Variants in RFC1 observed in about 807,000 individuals in gnomAD.
The protein encoded by RFC1 is replication factor C subunit 1.
In RFC1, 37 loss-of-function variants were observed where a neutral mutation model predicts 137.4. The observed-to-expected ratio is 0.27, with a 90% confidence interval of 0.21 to 0.35. The LOEUF is 0.35. RFC1 is among the 10% of genes least tolerant of loss of function. The pLI, the probability that RFC1 is intolerant of heterozygous loss-of-function variation, is 1.00. For missense variants in RFC1, 1,205 were observed against 1,358.5 expected (o/e 0.89, Z 1.78); for synonymous variants, 429 against 455.7 (o/e 0.94, Z 0.75).
chr4:39,362,831 C>T (rs1741824596), intron 1 of RFC1, among the ~76,000 whole-genome samples: 2 of 152,222 alleles, frequency 1.3e-5, no homozygotes, highest in African/African-American at 2.4e-5. Context: ...ACCAACCTAA[C>T]ACACTCAAAA....
intron 5 of RFC1, 78 bp from the exon 6 acceptor site, chr4:39,326,718 G>T: frequency 2.9e-6 from 3 of 1,041,274 alleles, no homozygotes; most frequent in Non-Finnish European, 4.4e-6. Flanking sequence ...GACTGTTGCT[G>T]ATTAAATACA....
intron 4 of RFC1, among the ~76,000 whole-genome samples, chr4:39,329,265 G>T (rs1384934652): frequency 1.3e-5 from 2 of 151,898 alleles, no homozygotes; most frequent in African/African-American, 4.8e-5. Flanking sequence ...ACTTTGGGAG[G>T]CTGAGGCGGA....
Position 39,300,114 on chromosome 4 carries a change from C to T in RFC1, c.2715G>A (p.Met905Ile). 6.2e-7 allele frequency: 1 copy of T among 1,614,096 alleles called. No individual in the cohort carries two copies. Among genetic ancestry groups the T allele is most frequent in the Non-Finnish European group, 8.5e-7 (1 of 1,179,978 alleles). Residue 905 changes from methionine to isoleucine, a missense_variant, in exon 21 of 25, where the codon ATG becomes ATA. By Grantham distance (10) the Met-to-Ile change is conservative. Transcript: ENST00000349703. ...TGCTGTCTGCTGCTCTGCTTAAAAG[C>T]ATCAGGTGCTTTTTCATGTCACCCC... is the stretch of plus-strand genomic sequence containing the variant. Reference protein sequence around the residue: ...AAGGDMKKHLMLLSRAADSIC... With the variant: ...AAGGDMKKHLILLSRAADSIC...
intron 19 of RFC1, among the ~76,000 whole-genome samples, chr4:39,300,632 A>G (rs1367871044): frequency 1.3e-5 from 2 of 152,232 alleles, no homozygotes; most frequent in Non-Finnish European, 2.9e-5. Flanking sequence ...AACTATGTTC[A>G]CACAAAAATC....
chr4:39,360,580 C>T (rs948867028), intron 1 of RFC1, among the ~76,000 whole-genome samples: 2 of 149,586 alleles, frequency 1.3e-5, no homozygotes, highest in South Asian at 2.2e-4. Flanking sequence ...AAATAAAATA[C>T]AAAAATCAGC....
At chr4:39,363,690 C>A (rs1180272650) in intron 1 of RFC1, among the ~76,000 whole-genome samples, 2 of 151,196 alleles carry the variant, frequency 1.3e-5, no homozygotes, top group Admixed American at 6.6e-5. Context: ...GAGTTCAAGA[C>A]CAGCCTGGCC....
intron 21 of RFC1, chr4:39,297,522 A>G (rs1393397477): frequency 6.7e-6 from 1 of 150,180 alleles, no homozygotes; most frequent in Non-Finnish European, 1.5e-5. Flanking sequence ...TCCTTTCCCC[A>G]TTTCTTGTTT....
chr4:39,345,583 C>T (rs1321600631), intron 2 of RFC1, 107 bp from the exon 3 acceptor site: 8 of 809,794 alleles, frequency 9.9e-6, no homozygotes, highest in Middle Eastern at 3.8e-4. Flanking sequence ...CGCAGTGGCA[C>T]GATCTCGGCT....
At chr4:39,341,334 G>C (rs1258790345) in intron 4 of RFC1, among the ~76,000 whole-genome samples, 2 of 152,278 alleles carry the variant, frequency 1.3e-5, no homozygotes, top group Non-Finnish European at 2.9e-5. Context: ...GCTAAGAGGA[G>C]AGCCTCTTAA....
At chr4:39,292,119 C>T (rs1737712043) in intron 22 of RFC1, 1 of 422,902 alleles carries the variant, frequency 2.4e-6, no homozygotes. Flanking sequence ...CTACTTCCAC[C>T]CTACTCTTAA....
intron 9 of RFC1, among the ~76,000 whole-genome samples, chr4:39,319,617 G>A (rs1279688492): frequency 6.6e-6 from 1 of 152,118 alleles, no homozygotes; most frequent in Non-Finnish European, 1.5e-5. Flanking sequence ...ATGATCGTTA[G>A]AAATAAAACT....
intron 4 of RFC1, among the ~76,000 whole-genome samples, chr4:39,338,837 T>C (rs955089640): frequency 6.6e-5 from 10 of 152,200 alleles, no homozygotes; most frequent in African/African-American, 2.2e-4. Flanking sequence ...ACTATAGTCC[T>C]CATGTTATAC....
chr4:39,337,374 CAA>C (rs34031141), intron 4 of RFC1, among the ~76,000 whole-genome samples: 9 of 73,868 alleles, frequency 1.2e-4, no homozygotes, highest in South Asian at 4.1e-4. Context: ...AACTCCGTCT[CAA>C]AAAAAAAAAA....
At chr4:39,309,859 A>C (rs1738881160) in intron 12 of RFC1, among the ~76,000 whole-genome samples, 1 of 152,250 alleles carries the variant, frequency 6.6e-6, no homozygotes, top group Non-Finnish European at 1.5e-5. Context: ...CCTCTTTAGC[A>C]GTGGATGCTA....
intron 4 of RFC1, among the ~76,000 whole-genome samples, chr4:39,331,905 T>C (rs1740122641): frequency 6.6e-6 from 1 of 152,172 alleles, no homozygotes; most frequent in Admixed American, 6.5e-5. Flanking sequence ...CCAAATCTCA[T>C]CCTGAATTCC....
rs1430019393 is a variant in RFC1 at position 39,291,755 on chromosome 4, G to C, written c.3052C>G (p.Gln1018Glu). Reference sequence around the variant, plus strand: ...GTGTCCATAAGTGCAACAACATCCTGTACTCCGTCTACTCCTTGTGAGGTC... The same window carrying C: ...GTGTCCATAAGTGCAACAACATCCTCTACTCCGTCTACTCCTTGTGAGGTC... ...PLTSQGVDGV[Q>E]DVVALMDTYY... Residue 1018 changes from glutamine (Q) to glutamate (E), a missense_variant, in exon 23 of 25, where the codon CAG becomes GAG. Gln to Glu is a conservative substitution (Grantham distance 29, BLOSUM62 2). Coordinates refer to ENST00000349703, the MANE Select transcript of RFC1 (RefSeq NM_002913.5). The C allele has an allele frequency of 1.9e-6, 3 of 1,613,280 alleles. No homozygotes were observed. The highest frequency in any genetic ancestry group is 2.5e-6 in the Non-Finnish European group (3 of 1,179,396).
At chr4:39,359,189 C>A (rs1293389987) in intron 1 of RFC1, among the ~76,000 whole-genome samples, 1 of 152,176 alleles carries the variant, frequency 6.6e-6, no homozygotes, top group Non-Finnish European at 1.5e-5. Flanking sequence ...GCTGTCTTCT[C>A]CCCTCTATTC....
intron 2 of RFC1, among the ~76,000 whole-genome samples, chr4:39,348,436 A>AGCG (rs1560619947): frequency 9.5e-6 from 1 of 104,974 alleles, no homozygotes; most frequent in Non-Finnish European, 2.1e-5. Flanking sequence ...AAAGAAAAGA[A>AGCG]AAGAAAAGAA....
intron 11 of RFC1, 84 bp from the exon 12 acceptor site, chr4:39,311,633 C>A: frequency 1.1e-6 from 1 of 949,150 alleles, no homozygotes; most frequent in South Asian, 1.7e-5. Flanking sequence ...ATTCTAGGGC[C>A]TATTAGTAGG....
Sources: gnomAD v4.1 joint callset for allele counts (sites outside exome capture counted in the v4.1 genomes callset) on GRCh38, gnomAD v4.1.1 for gene constraint, MANE v1.5 for transcripts, NCBI Gene and HGNC (gene_info 2026-07-23, HGNC 2026-07-21) for gene names.